MAD1L1: variants seen among roughly 807,000 people sequenced by gnomAD.
The protein encoded by MAD1L1 is mitotic spindle assembly checkpoint protein MAD1.
In MAD1L1, 95 loss-of-function variants were observed where a neutral mutation model predicts 96.9. That is an observed-to-expected ratio of 0.98 (90% CI 0.83 to 1.16). The LOEUF is 1.16. Among genes scored for constraint, MAD1L1 ranks in the 50% most tolerant of loss-of-function variants. MAD1L1 has a pLI of 0.00. For synonymous variants in MAD1L1, 473 were observed against 396.6 expected, an observed-to-expected ratio of 1.19 and a Z score of -2.29; for missense variants, 1,007 against 954.4, an observed-to-expected ratio of 1.06 and a Z score of -0.73.
intron 16 of MAD1L1, among the ~76,000 whole-genome samples, chr7:1,956,535 C>T (rs1197880909): frequency 6.6e-6 from 1 of 152,244 alleles, no homozygotes; most frequent in Non-Finnish European, 1.5e-5. Context: ...GGCCACACTG[C>T]AGCACCACGC....
intron 18 of MAD1L1, among the ~76,000 whole-genome samples, chr7:1,884,271 G>A (rs555867283): frequency 6.6e-6 from 1 of 152,140 alleles, no homozygotes; most frequent in East Asian, 1.9e-4. Flanking sequence ...GGGCGCCCAA[G>A]AGCATGCCCC....
intron 18 of MAD1L1, among the ~76,000 whole-genome samples, chr7:1,820,004 G>T (rs1352812177): frequency 1.3e-5 from 2 of 152,100 alleles, no homozygotes; most frequent in Non-Finnish European, 2.9e-5. Flanking sequence ...GAGAAGACAC[G>T]CAGGAAATGG....
chr7:1,941,658 A>G (rs1426992228), intron 16 of MAD1L1, among the ~76,000 whole-genome samples: 1 of 152,226 alleles, frequency 6.6e-6, no homozygotes, highest in Non-Finnish European at 1.5e-5. Flanking sequence ...TCCCGGAGCC[A>G]CAGTGTGAGG....
At chr7:2,117,875 C>T (rs1584365097) in intron 11 of MAD1L1, among the ~76,000 whole-genome samples, 1 of 152,112 alleles carries the variant, frequency 6.6e-6, no homozygotes, top group African/African-American at 2.4e-5. Flanking sequence ...ATCCACAGGG[C>T]CCCACTGGCC....
chr7:2,217,350 G>A (rs997793244), intron 7 of MAD1L1, among the ~76,000 whole-genome samples: 1 of 152,228 alleles, frequency 6.6e-6, no homozygotes, highest in Non-Finnish European at 1.5e-5. Context: ...GTGGACTGAG[G>A]GCTGCGAGGG....
At chr7:2,004,602 G>A (rs1022750920) in intron 13 of MAD1L1, among the ~76,000 whole-genome samples, 4 of 152,244 alleles carry the variant, frequency 2.6e-5, no homozygotes, top group South Asian at 2.1e-4. Context: ...GGGTGGAGCC[G>A]TGACCACGGT....
At chr7:2,180,471 A>C (rs1427231859) in intron 10 of MAD1L1, among the ~76,000 whole-genome samples, 3 of 152,210 alleles carry the variant, frequency 2.0e-5, no homozygotes. Context: ...GCAAACAAAA[A>C]ACTGTCCACA....
intron 18 of MAD1L1, among the ~76,000 whole-genome samples, chr7:1,821,833 A>C (rs913906123): frequency 6.6e-6 from 1 of 152,172 alleles, no homozygotes; most frequent in Non-Finnish European, 1.5e-5. Context: ...TGCTTCACGG[A>C]AGAGTCTGGC....
At chr7:1,989,587 C>T (rs1289425802) in intron 14 of MAD1L1, among the ~76,000 whole-genome samples, 2 of 152,246 alleles carry the variant, frequency 1.3e-5, no homozygotes, top group Non-Finnish European at 1.5e-5. Flanking sequence ...TGTGGGGACC[C>T]TGGGAGAGCA....
At chr7:2,213,526 G>C (rs1584565865) in intron 9 of MAD1L1, among the ~76,000 whole-genome samples, 1 of 152,158 alleles carries the variant, frequency 6.6e-6, no homozygotes, top group Admixed American at 6.5e-5. Context: ...ATCCCAGCAA[G>C]CTAAAAGCAA....
At chr7:2,141,831 A>G (rs1476686108) in intron 11 of MAD1L1, among the ~76,000 whole-genome samples, 1 of 152,200 alleles carries the variant, frequency 6.6e-6, no homozygotes, top group Non-Finnish European at 1.5e-5. Context: ...GCTCCTCCAC[A>G]TGGCCTGGCT....
intron 18 of MAD1L1, among the ~76,000 whole-genome samples, chr7:1,870,628 C>T (rs1785016286): frequency 1.4e-5 from 2 of 146,906 alleles, no homozygotes; most frequent in African/African-American, 2.5e-5. Flanking sequence ...CCAACATATG[C>T]CTGCCACGCT....
Position 2,225,424 on chromosome 7 carries a change from C to A in MAD1L1, c.277G>T (p.Ala93Ser). The change falls in exon 4 of 19, where the codon GCC (alanine) becomes TCC (serine). Residue 93 changes from alanine (A) to serine (S), a missense_variant. Transcript: ENST00000265854. ...CCTGAACCCACCTCGTAGTTCCTGG[C>A]ACTGGTGCTGGCTGCTCTCTCCAGC... ...VELERAASTSARNYEREVDRN... is the reference protein window; with the variant it reads ...VELERAASTSSRNYEREVDRN... The A allele has an allele frequency of 6.2e-7, 1 of 1,613,250 alleles. No homozygotes were observed. Among genetic ancestry groups the A allele is most frequent in the Non-Finnish European group, 8.5e-7 (1 of 1,180,008 alleles).
At chr7:1,870,129 G>T (rs1784975366) in intron 18 of MAD1L1, among the ~76,000 whole-genome samples, 1 of 152,050 alleles carries the variant, frequency 6.6e-6, no homozygotes, top group Admixed American at 6.6e-5. Flanking sequence ...AGAACTGTCG[G>T]CAGGAAGGCT....
At chr7:1,993,070 T>G (rs1452312506) in intron 14 of MAD1L1, among the ~76,000 whole-genome samples, 1 of 152,206 alleles carries the variant, frequency 6.6e-6, no homozygotes, top group East Asian at 1.9e-4. Context: ...TTCTCGTGGT[T>G]ATTATAGACT....
chr7:2,104,908 C>T (rs1306031305), intron 11 of MAD1L1, among the ~76,000 whole-genome samples: 1 of 152,194 alleles, frequency 6.6e-6, no homozygotes, highest in Non-Finnish European at 1.5e-5. Context: ...CCCCCGCAAG[C>T]CCTGGGGACT....
chr7:1,853,983 G>C (rs1267022352), intron 18 of MAD1L1, among the ~76,000 whole-genome samples: 1 of 152,224 alleles, frequency 6.6e-6, no homozygotes, highest in Non-Finnish European at 1.5e-5. Flanking sequence ...GCTGCCGCCA[G>C]CTCCCGGCGC....
intron 18 of MAD1L1, among the ~76,000 whole-genome samples, chr7:1,822,154 AC>A (rs1432917368): frequency 6.6e-6 from 1 of 151,168 alleles, no homozygotes; most frequent in Non-Finnish European, 1.5e-5. Flanking sequence ...ACAAAAATTA[AC>A]CACATTTCTA....
At position 2,191,037 on chromosome 7, in the gene MAD1L1, T is replaced by C. The variant is rs546501176; in HGVS notation, c.986+22175A>G. The stretch of plus-strand genomic sequence containing the variant: ...TACAAATGTTCACAGAATCTTTATC[T>C]GCAAGAGCAAAAAACCGGATTAAAA... On this transcript the variant is annotated intron_variant, in intron 10 of 18. Transcript: ENST00000265854. 5.3e-5 allele frequency among the ~76,000 whole-genome samples: 8 copies of C among 152,356 alleles called. No individual in the cohort carries two copies. In the East Asian group the frequency reaches 1.5e-3, roughly 29 times the overall value.
Sources: allele counts gnomAD v4.1 joint callset (sites outside exome capture counted in the v4.1 genomes callset), GRCh38; gene constraint gnomAD v4.1.1; transcripts MANE v1.5; gene names NCBI Gene and HGNC (gene_info 2026-07-23, HGNC 2026-07-21).